Variants in PEMT observed in about 807,000 individuals in gnomAD.
PEMT encodes phosphatidylethanolamine N-methyltransferase.
A neutral mutation model predicts 27.4 loss-of-function variants in PEMT; 23 were observed. The observed-to-expected ratio is 0.84, with a 90% CI of 0.60 to 1.19. The LOEUF (loss-of-function observed/expected upper bound fraction) is 1.19, where lower values mean the gene tolerates loss of function less well. Ranked by LOEUF, PEMT falls within the 50% of genes most tolerant of loss-of-function variation. The pLI is 0.00. For missense variants in PEMT, 307 were observed against 310.1 expected (o/e 0.99, Z 0.07); for synonymous variants, 137 against 139.1 (o/e 0.98, Z 0.11).
chr17:17,538,672 T>C (rs1268461389), intron 2 of PEMT, among the ~76,000 whole-genome samples: 1 of 152,270 alleles, frequency 6.6e-6, no homozygotes, highest in Non-Finnish European at 1.5e-5. Flanking sequence ...TGATGTCTGA[T>C]TTATGCGCAG....
At chr17:17,572,761 C>T (rs954627393) in intron 2 of PEMT, among the ~76,000 whole-genome samples, 3 of 152,252 alleles carry the variant, frequency 2.0e-5, no homozygotes, top group Non-Finnish European at 4.4e-5. Flanking sequence ...CCTCTTCAAG[C>T]TTCAGTCTCC....
chr17:17,545,489 G>A (rs1909194403), intron 2 of PEMT, among the ~76,000 whole-genome samples: 1 of 152,182 alleles, frequency 6.6e-6, no homozygotes, highest in Admixed American at 6.5e-5. Context: ...CAGCCCCAGG[G>A]CCATTCCTAT....
At chr17:17,536,850 C>A (rs1214514158) in intron 2 of PEMT, among the ~76,000 whole-genome samples, 1 of 152,240 alleles carries the variant, frequency 6.6e-6, no homozygotes, top group Non-Finnish European at 1.5e-5. Flanking sequence ...TCAGCCCCTA[C>A]TCAGGGCGGC....
intron 2 of PEMT, among the ~76,000 whole-genome samples, chr17:17,542,366 G>T (rs6502603): frequency 0.49 from 74,116 of 152,034 alleles, 18,371 homozygotes; most frequent in Non-Finnish European, 0.54. Context: ...CAGAAACAGG[G>T]GCCTACGTGG....
Position 17,582,438 on chromosome 17 carries a change from A to T in PEMT, c.97-5411T>A, listed in dbSNP as rs1393430899. Reference sequence around the variant, plus strand: ...AGCAGCGCTCTGTGGTCAGGGAATGATCTGCAGTGGGTCAACATGTCACAT... The same window carrying T: ...AGCAGCGCTCTGTGGTCAGGGAATGTTCTGCAGTGGGTCAACATGTCACAT... On this transcript the variant is annotated intron_variant, in intron 1 of 6. Coordinates refer to ENST00000255389, the MANE Select transcript of PEMT (RefSeq NM_148172.3). This position sits in a 1 kb window ranked among gnomAD's most constrained non-coding sequence, Gnocchi z 4.9. 2.0e-6 allele frequency: 2 copies of T among 985,348 alleles called. No homozygotes were observed. Among genetic ancestry groups the T allele is most frequent in the Non-Finnish European group, 2.4e-6 (2 of 829,920 alleles). The allele number at this position is 985,348 out of a possible 1,614,324, so 61.0% of individuals were successfully genotyped here.
intron 2 of PEMT, among the ~76,000 whole-genome samples, chr17:17,529,204 C>T (rs933223894): frequency 3.3e-5 from 5 of 152,220 alleles, no homozygotes; most frequent in Admixed American, 1.3e-4. Flanking sequence ...TAGGCCCAGC[C>T]GGCCCGGTGA....
chr17:17,532,798 C>T lies in PEMT; in HGVS notation c.205-10403G>A, dbSNP rs376791802. Among the ~76,000 whole-genome samples the T allele has an allele frequency of 4.4e-4, 67 of 152,364 alleles. 1 individual carries two copies. In the East Asian group the frequency reaches 0.013, roughly 28 times the overall value. On this transcript the variant is annotated intron_variant, in intron 2 of 6. Coordinates refer to ENST00000255389, the MANE Select transcript of PEMT (RefSeq NM_148172.3). ...ATCCCAGCACTTTGGGAGGCCAAGGCAGGCATATCACCTGAGACCAGGAGT... is the reference window on the plus strand; with the variant it reads ...ATCCCAGCACTTTGGGAGGCCAAGGTAGGCATATCACCTGAGACCAGGAGT...
In PEMT at chr17:17,505,852, C is replaced by T; in HGVS notation, c.654-4G>A. 6.2e-7 allele frequency: 1 copy of T among 1,608,248 alleles called. No individual in the cohort carries two copies. The highest frequency in any genetic ancestry group is 8.5e-7 in the Non-Finnish European group (1 of 1,176,978). On this transcript the variant is annotated splice_polypyrimidine_tract_variant and splice_region_variant and intron_variant, in intron 6 of 6. Transcript: ENST00000255389. Reference sequence around the variant, plus strand: ...GTAGATCTCAGCGGTGAAGGGCCTGCCGGGCAGCGGGGAGAGGCTTCGGTC... The same window carrying T: ...GTAGATCTCAGCGGTGAAGGGCCTGTCGGGCAGCGGGGAGAGGCTTCGGTC...
chr17:17,552,321 A>G (rs184534191), intron 2 of PEMT, among the ~76,000 whole-genome samples: 37 of 152,326 alleles, frequency 2.4e-4, no homozygotes, highest in African/African-American at 7.9e-4. Flanking sequence ...CAAAAAAAAA[A>G]AAGTTTCACT....
intron 2 of PEMT, among the ~76,000 whole-genome samples, chr17:17,549,970 C>T (rs1178873826): frequency 6.6e-6 from 1 of 152,208 alleles, no homozygotes; most frequent in Non-Finnish European, 1.5e-5. Context: ...GCACACGCTG[C>T]TCAACAGCAG....
At chr17:17,560,934 G>A (rs552805652) in intron 2 of PEMT, among the ~76,000 whole-genome samples, 1 of 151,944 alleles carries the variant, frequency 6.6e-6, no homozygotes, top group Non-Finnish European at 1.5e-5. Flanking sequence ...CTGGGCCCTG[G>A]GATCCCTGAA....
intron 2 of PEMT, among the ~76,000 whole-genome samples, chr17:17,547,359 G>A (rs996137799): frequency 2.0e-5 from 3 of 152,264 alleles, no homozygotes; most frequent in Admixed American, 6.5e-5. Context: ...GGCGTTCAGG[G>A]CCTCTGCCCA....
At chr17:17,592,023 C>G (rs916572307), upstream of PEMT, 16 of 985,360 alleles carry the variant, frequency 1.6e-5, no homozygotes, top group Middle Eastern at 5.2e-4. Context: ...GGCCGCGGGT[C>G]GTAGCTATAA....
chr17:17,577,826 G>T (rs1911720134), intron 1 of PEMT, among the ~76,000 whole-genome samples: 1 of 151,968 alleles, frequency 6.6e-6, no homozygotes, highest in Non-Finnish European at 1.5e-5. Flanking sequence ...GACCATCCTG[G>T]CTAACACGGT....
At chr17:17,538,006 C>T (rs557333202) in intron 2 of PEMT, among the ~76,000 whole-genome samples, 2 of 152,338 alleles carry the variant, frequency 1.3e-5, no homozygotes, top group African/African-American at 4.8e-5. Flanking sequence ...CAAACGCCCT[C>T]CTCAGGAAGG....
intron 2 of PEMT, among the ~76,000 whole-genome samples, chr17:17,540,390 C>T (rs1047891889): frequency 6.6e-6 from 1 of 152,204 alleles, no homozygotes. Context: ...TCGGGCTGAG[C>T]ACAGCACACG....
chr17:17,559,519 G>C (rs987593721), intron 2 of PEMT, among the ~76,000 whole-genome samples: 9 of 152,246 alleles, frequency 5.9e-5, no homozygotes, highest in Non-Finnish European at 1.3e-4. Flanking sequence ...AGGGGTCAGA[G>C]GCAGTCCAGC....
chr17:17,579,946 C>T (rs1939341267), intron 1 of PEMT, among the ~76,000 whole-genome samples: 1 of 152,228 alleles, frequency 6.6e-6, no homozygotes, highest in African/African-American at 2.4e-5. Context: ...GCGCCTGCAG[C>T]CAACAAGGCC....
intron 3 of PEMT, among the ~76,000 whole-genome samples, chr17:17,521,067 G>A (rs1401272279): frequency 2.0e-5 from 3 of 152,248 alleles, no homozygotes; most frequent in African/African-American, 4.8e-5. Flanking sequence ...AGGCTGGTCC[G>A]ACGGAGATGG....
Sources: gnomAD v4.1 joint callset for allele counts (sites outside exome capture counted in the v4.1 genomes callset) on GRCh38, gnomAD v4.1.1 for gene constraint, Gnocchi (gnomAD v3.1) non-coding constraint, MANE v1.5 for transcripts, NCBI Gene and HGNC (gene_info 2026-07-23, HGNC 2026-07-21) for gene names.